DNAH5: variants seen among roughly 807,000 people sequenced by gnomAD.
The protein encoded by DNAH5 is axonemal beta dynein heavy chain 5.
In DNAH5, 372 loss-of-function variants were observed where a neutral mutation model predicts 518.2. The observed-to-expected ratio is 0.72, with a 90% CI of 0.66 to 0.78. The LOEUF (loss-of-function observed/expected upper bound fraction) is 0.78, where lower values mean the gene tolerates loss of function less well. Ranked by LOEUF, DNAH5 falls within the 30% of genes least tolerant of loss-of-function variation. DNAH5 has a pLI of 0.00. For synonymous variants in DNAH5, 2,039 were observed against 2,025.9 expected, an observed-to-expected ratio of 1.01 and a Z score of -0.17; for missense variants, 5,523 against 5,687.0, an observed-to-expected ratio of 0.97 and a Z score of 0.93.
Position 13,876,825 on chromosome 5 carries a change from G to T in DNAH5, c.3263-8C>A. On this transcript the variant is annotated splice_region_variant and splice_polypyrimidine_tract_variant and intron_variant, in intron 21 of 78. Transcript: ENST00000265104. ...ATGCTATCTCCAAGGTATCTAAAAA[G>T]AAAAAAAGAAGAGAAAACTTTACAC... The T allele has an allele frequency of 6.2e-7, 1 of 1,611,878 alleles. No homozygotes were observed. Among genetic ancestry groups the T allele is most frequent in the African/African-American group, 1.3e-5 (1 of 74,824 alleles).
intron 15 of DNAH5, among the ~76,000 whole-genome samples, chr5:13,895,776 T>C (rs528257710): frequency 5.9e-5 from 9 of 152,080 alleles, no homozygotes; most frequent in South Asian, 2.1e-4. Context: ...TCCACATCAA[T>C]ATATAGCAGA....
intron 44 of DNAH5, among the ~76,000 whole-genome samples, chr5:13,810,695 A>G (rs753548431): frequency 1.6e-4 from 24 of 151,752 alleles, no homozygotes; most frequent in Non-Finnish European, 2.9e-4. Context: ...CGGAGCTTGC[A>G]GTGAGCCAAG....
chr5:13,980,432 C>A (rs1447299266), intron 1 of DNAH5, among the ~76,000 whole-genome samples: 1 of 152,176 alleles, frequency 6.6e-6, no homozygotes, highest in Non-Finnish European at 1.5e-5. Context: ...CTCAGCATCT[C>A]CCACATCATG....
chr5:13,942,162 G>A (rs576953368), intron 1 of DNAH5, among the ~76,000 whole-genome samples: 5 of 152,110 alleles, frequency 3.3e-5, no homozygotes, highest in East Asian at 1.9e-4. Flanking sequence ...TGAAAATAAC[G>A]TGTGTTTATT....
At chr5:13,772,911 T>C (rs1374433887) in intron 55 of DNAH5, among the ~76,000 whole-genome samples, 2 of 152,164 alleles carry the variant, frequency 1.3e-5, no homozygotes, top group Non-Finnish European at 2.9e-5. Context: ...AAAATAACAG[T>C]TTTTCTAGAA....
At chr5:13,967,804 T>C (rs1216665862) in intron 1 of DNAH5, among the ~76,000 whole-genome samples, 2 of 125,116 alleles carry the variant, frequency 1.6e-5, no homozygotes, top group Admixed American at 8.5e-5. Context: ...ATTTTCACAA[T>C]AATGATTCTA....
chr5:13,871,877 G>A, intron 22 of DNAH5, 112 bp from the exon 23 acceptor site: 1 of 937,550 alleles, frequency 1.1e-6, no homozygotes, highest in South Asian at 1.5e-5. Context: ...AAAATGTTTA[G>A]TGAACTGTGT....
Position 13,729,523 on chromosome 5 carries a change from T to C in DNAH5, c.11799A>G (p.Lys3933=). Residue 3933 remains lysine (K), a synonymous_variant, in exon 69 of 79, where the codon AAA becomes AAG. Transcript: ENST00000265104. The part of the protein sequence containing the change: ...ASLDLKACPP[K]PSKWILDITW... ...TTATGTCCAGGATCCATTTTGATGG[T>C]TTTGGAGGACAAGCTTTAAGGTCTA... 1.1e-5 allele frequency: 17 copies of C among 1,613,862 alleles called. No homozygotes were observed. Among genetic ancestry groups the C allele is most frequent in the East Asian group, 2.2e-5 (1 of 44,842 alleles).
rs751785066 is a variant in DNAH5, at chr5:13,882,939, C to T, written c.3139G>A (p.Gly1047Arg). 8.1e-6 allele frequency: 13 copies of T among 1,614,034 alleles called. No individual in the cohort carries two copies. In the South Asian group the frequency reaches 1.4e-4, roughly 18 times the overall value. Residue 1047 changes from glycine to arginine, a missense_variant, in exon 20 of 79, where the codon GGG becomes AGG. This residue lies in a region of DNAH5 where 5,121 missense variants were observed against 5,223.3 expected (regional missense o/e 0.98). Transcript: ENST00000265104. ...AVECIISVPKGVRQWSSELLS... is the reference protein window; with the variant it reads ...AVECIISVPKRVRQWSSELLS... ...AGTTCACTGCTCCACTGTCTGACCC[C>T]CTTAGGGACACTGATGATGCACTCC...
At chr5:13,729,183 G>C (rs1746163081) in intron 69 of DNAH5, among the ~76,000 whole-genome samples, 1 of 152,132 alleles carries the variant, frequency 6.6e-6, no homozygotes, top group Non-Finnish European at 1.5e-5. Context: ...CATCCAATTG[G>C]TGATACTAAC....
intron 1 of DNAH5, among the ~76,000 whole-genome samples, chr5:13,977,232 A>G (rs1782323421): frequency 6.6e-6 from 1 of 152,178 alleles, no homozygotes; most frequent in Admixed American, 6.5e-5. Context: ...GTAACTTCTC[A>G]GCCTCTGCTT....
intron 1 of DNAH5, among the ~76,000 whole-genome samples, chr5:13,963,270 T>C (rs754427538): frequency 1.3e-5 from 2 of 152,090 alleles, no homozygotes; most frequent in South Asian, 4.1e-4. Context: ...CCTAAATCAT[T>C]ACATTCCTTA....
At position 13,931,546 on chromosome 5, in the gene DNAH5, T is replaced by G. The variant is rs13355875; in HGVS notation, c.58-302A>C. ...CTAAATCTTTACACACTTATTTCTA[T>G]GCATATATAAGCATTCAACAGAATA... On this transcript the variant is annotated intron_variant, in intron 1 of 78. Transcript: ENST00000265104. 0.031 allele frequency among the ~76,000 whole-genome samples: 4,665 copies of G among 152,338 alleles called. 239 individuals are homozygous for G. Among genetic ancestry groups the G allele is most frequent in the African/African-American group, 0.11 (4,405 of 41,568 alleles).
In DNAH5 at chr5:13,794,062, T is replaced by TA. The variant is rs770776505; in HGVS notation, c.7888-5_7888-4insT. Reference sequence around the variant, plus strand: ...CCACATAGCTCTCTATCGTCCTCTGTGAAAAAAAAATCAACTGAAACATCT... The same window carrying TA: ...CCACATAGCTCTCTATCGTCCTCTGTAGAAAAAAAAATCAACTGAAACATCT... On this transcript the variant is annotated splice_polypyrimidine_tract_variant and splice_region_variant and intron_variant, in intron 47 of 78. Transcript: ENST00000265104. 1.2e-6 allele frequency: 2 copies of TA among 1,613,718 alleles called. No individual in the cohort carries two copies. Among genetic ancestry groups the TA allele is most frequent in the Admixed American group, 3.3e-5 (2 of 59,968 alleles).
intron 14 of DNAH5, 174 bp from the exon 15 acceptor site, chr5:13,900,586 C>T: frequency 1.6e-6 from 1 of 636,358 alleles, no homozygotes; most frequent in Admixed American, 2.6e-5. Flanking sequence ...CATACAATAG[C>T]CTTCAAGTTC....
intron 78 of DNAH5, among the ~76,000 whole-genome samples, chr5:13,693,525 T>C (rs1579771512): frequency 6.6e-6 from 1 of 152,316 alleles, no homozygotes; most frequent in Non-Finnish European, 1.5e-5. Context: ...ATAAAATAAA[T>C]AATCCTAAAG....
intron 26 of DNAH5, 119 bp from the exon 27 acceptor site, chr5:13,866,025 A>G: frequency 1.1e-6 from 1 of 888,214 alleles, no homozygotes; most frequent in South Asian, 1.5e-5. Flanking sequence ...GCACATGTAA[A>G]TAGGAATACT....
chr5:13,828,957 G>T (rs1194760748), intron 38 of DNAH5, among the ~76,000 whole-genome samples: 1 of 152,148 alleles, frequency 6.6e-6, no homozygotes, highest in Non-Finnish European at 1.5e-5. Flanking sequence ...CAAAGTTTGT[G>T]GTATGATTGT....
intron 53 of DNAH5, among the ~76,000 whole-genome samples, chr5:13,779,163 A>G (rs570695263): frequency 6.6e-6 from 1 of 152,342 alleles, no homozygotes; most frequent in South Asian, 2.1e-4. Context: ...AAGGTTTTAT[A>G]CAAATGTTAG....
Sources: gnomAD v4.1 joint callset for allele counts (sites outside exome capture counted in the v4.1 genomes callset) on GRCh38, gnomAD v4.1.1 for gene constraint, gnomAD v4.1.1 regional missense constraint, MANE v1.5 for transcripts, NCBI Gene and HGNC (gene_info 2026-07-23, HGNC 2026-07-21) for gene names.